The following RASSF4 variants were observed in gnomAD, a reference collection of about 807,000 sequenced individuals.
RASSF4 encodes the protein ras association domain-containing protein 4.
Under a neutral mutation model 41.1 loss-of-function variants are expected in RASSF4, and 38 were observed. The observed-to-expected ratio is 0.92, with a 90% confidence interval of 0.71 to 1.21. The LOEUF (loss-of-function observed/expected upper bound fraction) is 1.21. RASSF4 is among the 50% of genes most tolerant of loss of function. The pLI, the probability that RASSF4 is intolerant of heterozygous loss-of-function variation, is 0.00. For synonymous variants in RASSF4, 179 were observed against 163.4 expected (o/e 1.10, Z -0.73); for missense variants, 414 against 419.4 (o/e 0.99, Z 0.11).
Position 44,993,434 on chromosome 10 carries a change from C to T in RASSF4, c.*105C>T, listed in dbSNP as rs376117285. On this transcript the variant is annotated 3_prime_UTR_variant, in exon 11 of 11. Transcript: ENST00000340258. The stretch of plus-strand genomic sequence containing the variant: ...ACATTGACTGATGGCCACCGCCTGA[C>T]GAATCGAGTGCCTGTGTGTCTACCT... 5.6e-4 allele frequency: 450 copies of T among 809,090 alleles called. 2 individuals carry two copies. Among genetic ancestry groups the T allele is most frequent in the African/African-American group, 4.1e-3 (246 of 59,392 alleles). 50.1% of individuals were successfully genotyped at this position (809,090 alleles called of 1,614,324 possible).
intron 3 of RASSF4, chr10:44,976,980 C>T (rs75070229): frequency 0.01 from 1,601 of 159,928 alleles, 33 homozygotes; most frequent in African/African-American, 0.036. Context: ...GGGGCTGACA[C>T]CCCCACTACC....
intron 6 of RASSF4, among the ~76,000 whole-genome samples, chr10:44,986,106 G>A (rs563288955): frequency 1.6e-4 from 25 of 152,296 alleles, no homozygotes; most frequent in African/African-American, 5.3e-4. Flanking sequence ...ATATGCTAGT[G>A]TAAGGAATTA....
rs754203739 is a variant in RASSF4, at chr10:44,984,796, AC to A, written c.374-14del. 7 of 1,612,226 alleles carry A rather than the reference AC, an allele frequency of 4.3e-6. No homozygotes were observed. Among genetic ancestry groups the A allele is most frequent in the African/African-American group, 1.3e-5 (1 of 74,844 alleles). The stretch of plus-strand genomic sequence containing the variant: ...GCATCACCCACCCTGCCATTCTCTC[AC>A]CCATTTCTCATGCAGGGCCCCTGGA... On this transcript the variant is annotated splice_polypyrimidine_tract_variant and intron_variant, in intron 5 of 10. Coordinates refer to ENST00000340258, the MANE Select transcript of RASSF4 (RefSeq NM_032023.4).
chr10:44,982,349 C>A, intron 3 of RASSF4, 172 bp from the exon 4 acceptor site: 1 of 783,394 alleles, frequency 1.3e-6, no homozygotes. Flanking sequence ...TCCCACAGGG[C>A]CTGGTCACAC....
chr10:44,962,817 G>C (rs1031362377), intron 1 of RASSF4, among the ~76,000 whole-genome samples: 1 of 152,234 alleles, frequency 6.6e-6, no homozygotes, highest in Admixed American at 6.5e-5. Flanking sequence ...TGTTTAAGGT[G>C]TAAGGGGGGA....
At position 44,982,938 on chromosome 10, in the gene RASSF4, C is replaced by T; in HGVS notation, c.281+275C>T. ...CCTTGCTGGCAAGAAGGGACGACTA[C>T]AGCCAGGGGGGCTCCCAACACCTAT... On this transcript the variant is annotated intron_variant, in intron 4 of 10. Coordinates refer to ENST00000340258, the MANE Select transcript of RASSF4 (RefSeq NM_032023.4). The T allele has an allele frequency of 4.4e-6, 3 of 674,420 alleles. No homozygotes were observed. The Middle Eastern group carries it at 7.2e-4, about 162-fold the overall frequency. The allele number at this position is 674,420 out of a possible 1,614,324, so 41.8% of individuals were successfully genotyped here.
At position 44,984,654 on chromosome 10, in the gene RASSF4, C is replaced by A. The variant is rs567042293; in HGVS notation, c.374-159C>A. 10 of 806,992 alleles carry A rather than the reference C, an allele frequency of 1.2e-5. No individual in the cohort carries two copies. In the East Asian group the frequency reaches 2.0e-4, roughly 16 times the overall value. 50.0% of individuals were successfully genotyped at this position (806,992 alleles called of 1,614,324 possible). Reference sequence around the variant, plus strand: ...TGGGTCTCACCTTCCTATCTGCAAGCTGGGAATATCCAGCCTCCAGTCCAG... The same window carrying A: ...TGGGTCTCACCTTCCTATCTGCAAGATGGGAATATCCAGCCTCCAGTCCAG... On this transcript the variant is annotated intron_variant, in intron 5 of 10. Coordinates refer to ENST00000340258, the MANE Select transcript of RASSF4 (RefSeq NM_032023.4).
rs79690171 is a variant in RASSF4 at position 44,989,814 on chromosome 10, T to C, written c.685+93T>C. On this transcript the variant is annotated intron_variant, in intron 8 of 10. Transcript: ENST00000340258. ...CCACCAACCACTGACTGTACTCCCT[T>C]CCAGATGGGCTCCGTGCTGGCTTGC... The C allele has an allele frequency of 9.5e-3, 10,676 of 1,126,988 alleles. 650 individuals are homozygous for C. The African/African-American group carries it at 0.14, about 14-fold the overall frequency. The allele number at this position is 1,126,988 out of a possible 1,614,324, so 69.8% of individuals were successfully genotyped here.
chr10:44,991,438 A>G (rs1300586618), intron 9 of RASSF4: 1 of 204,726 alleles, frequency 4.9e-6, no homozygotes, highest in Non-Finnish European at 9.8e-6. Context: ...GGAGATATTT[A>G]AGTCTTACCA....
At chr10:44,990,820 GT>G (rs757259327) in intron 8 of RASSF4, 127 bp from the exon 9 acceptor site, 20 of 906,200 alleles carry the variant, frequency 2.2e-5, no homozygotes, top group Non-Finnish European at 3.2e-5. Flanking sequence ...GGGCAGCGCT[GT>G]TAGCGAGGTC....
chr10:44,995,208 A>T lies in RASSF4; in HGVS notation c.*1879A>T, dbSNP rs1218825234. 6.6e-6 allele frequency: 1 copy of T among 152,322 alleles called. No homozygotes were observed. Among genetic ancestry groups the T allele is most frequent in the African/African-American group, 2.4e-5 (1 of 41,476 alleles). 9.4% of individuals were successfully genotyped at this position (152,322 alleles called of 1,614,324 possible). ...ACTGCCTTGTGCCAGGCCTGTGCTCAGCCCTGGAGGCACAAAGATGGAGCC... is the reference window on the plus strand; with the variant it reads ...ACTGCCTTGTGCCAGGCCTGTGCTCTGCCCTGGAGGCACAAAGATGGAGCC... On this transcript the variant is annotated 3_prime_UTR_variant, in exon 11 of 11. Coordinates refer to ENST00000340258, the MANE Select transcript of RASSF4 (RefSeq NM_032023.4).
chr10:44,964,000 G>A (rs1364446869), intron 1 of RASSF4, among the ~76,000 whole-genome samples: 1 of 152,218 alleles, frequency 6.6e-6, no homozygotes, highest in African/African-American at 2.4e-5. Context: ...TTTTGCCACT[G>A]GCCTGTAGGA....
intron 6 of RASSF4, among the ~76,000 whole-genome samples, chr10:44,987,625 ACT>A (rs1491162242): frequency 2.6e-5 from 3 of 117,332 alleles, no homozygotes; most frequent in African/African-American, 1.1e-4. Context: ...AAAAATGTGC[ACT>A]TTTTTTTTTT....
Position 44,977,389 on chromosome 10 carries a change from G to A in RASSF4, c.139-5132G>A, listed in dbSNP as rs375767216. 5.0e-5 allele frequency: 78 copies of A among 1,562,866 alleles called. No individual in the cohort carries two copies. In the African/African-American group the frequency reaches 9.7e-4, roughly 19 times the overall value. ...CTCTACAGAAGCCTTTACTGGGGAGGGGTCAGAGTTCATGGATCACCGGGA... is the reference window on the plus strand; with the variant it reads ...CTCTACAGAAGCCTTTACTGGGGAGAGGTCAGAGTTCATGGATCACCGGGA... On this transcript the variant is annotated intron_variant, in intron 3 of 10. Transcript: ENST00000340258.
chr10:44,977,194 T>C, intron 3 of RASSF4: 1 of 626,524 alleles, frequency 1.6e-6, no homozygotes, highest in East Asian at 2.8e-5. Context: ...CGAACGGGAT[T>C]GGTAACATCT....
At chr10:44,977,425 G>A in intron 3 of RASSF4, 1 of 1,603,152 alleles carries the variant, frequency 6.2e-7, no homozygotes, top group Non-Finnish European at 8.5e-7. Flanking sequence ...GGTGCGAGTA[G>A]AGTGTTCTGA....
rs1187220402 is a variant in RASSF4 at position 44,974,066 on chromosome 10, A to G, written c.138+2218A>G. On this transcript the variant is annotated intron_variant, in intron 3 of 10. Transcript: ENST00000340258. ...TGCTGGGTCGCAATTACCACATAAG[A>G]CGAGGCTTTAGGCTGTGACACTGAT... is the stretch of plus-strand genomic sequence containing the variant. 3.3e-5 allele frequency among the ~76,000 whole-genome samples: 5 copies of G among 152,316 alleles called. No homozygotes were observed. The East Asian group carries it at 9.7e-4, about 29-fold the overall frequency.
In RASSF4 at chr10:44,984,131, G is replaced by A. The variant is rs776121446; in HGVS notation, c.373+18G>A. On this transcript the variant is annotated intron_variant, in intron 5 of 10. Coordinates refer to ENST00000340258, the MANE Select transcript of RASSF4 (RefSeq NM_032023.4). ...CAGCTCGGGTAAGCGGAGCCCGCAA[G>A]CTGCCCAGACCCCTGCCTCATCCGG... is the stretch of plus-strand genomic sequence containing the variant. 1.9e-6 allele frequency: 3 copies of A among 1,578,956 alleles called. No individual in the cohort carries two copies. The highest frequency in any genetic ancestry group is 2.6e-6 in the Non-Finnish European group (3 of 1,162,770).
intron 1 of RASSF4, among the ~76,000 whole-genome samples, chr10:44,964,253 G>A (rs1372640616): frequency 2.6e-5 from 4 of 152,264 alleles, no homozygotes; most frequent in South Asian, 2.1e-4. Context: ...CTGGCATGCC[G>A]CCTAGGGGGC....
Sources: allele counts gnomAD v4.1 joint callset (sites outside exome capture counted in the v4.1 genomes callset), GRCh38; gene constraint gnomAD v4.1.1; transcripts MANE v1.5; gene names NCBI Gene and HGNC (gene_info 2026-07-23, HGNC 2026-07-21).